The following RYR2 variants were observed in gnomAD, a reference collection of about 807,000 sequenced individuals.
RYR2 encodes the protein cardiac muscle ryanodine receptor-calcium release channel.
In RYR2, 227 loss-of-function variants were observed where a neutral mutation model predicts 601.1. That is an observed-to-expected ratio of 0.38 (90% CI 0.34 to 0.42). RYR2 has a LOEUF of 0.42. Ranked by LOEUF, RYR2 falls within the 10% of genes least tolerant of loss-of-function variation. RYR2 has a pLI of 1.00. For missense variants in RYR2, 4,646 were observed against 6,156.5 expected (o/e 0.75, Z 8.21); for synonymous variants, 2,223 against 2,175.1 (o/e 1.02, Z -0.61).
At chr1:237,811,201 C>T (rs748332149) in intron 100 of RYR2, among the ~76,000 whole-genome samples, 3 of 152,068 alleles carry the variant, frequency 2.0e-5, no homozygotes, top group Non-Finnish European at 4.4e-5. Flanking sequence ...TGACTGTTCC[C>T]TGGCAGGGAG....
At chr1:237,133,431 G>A in intron 1 of RYR2, among the ~76,000 whole-genome samples, 1 of 152,160 alleles carries the variant, frequency 6.6e-6, no homozygotes, top group East Asian at 1.9e-4. Context: ...CTCTGGTGAA[G>A]ACCTAGATAT....
chr1:237,818,162 T>C (rs1662047126), intron 100 of RYR2, among the ~76,000 whole-genome samples: 2 of 152,160 alleles, frequency 1.3e-5, no homozygotes, highest in South Asian at 4.1e-4. Context: ...AAATATTGGA[T>C]GCTCCAAGCC....
At chr1:237,719,113 G>A (rs1355847671) in intron 73 of RYR2, among the ~76,000 whole-genome samples, 1 of 152,030 alleles carries the variant, frequency 6.6e-6, no homozygotes, top group Non-Finnish European at 1.5e-5. Context: ...ACAAAAATTA[G>A]CTGGATGGTG....
Position 237,705,232 on chromosome 1 carries a change from G to A in RYR2, c.9469G>A (p.Glu3157Lys), listed in dbSNP as rs1335237930. The A allele has an allele frequency of 2.5e-6, 4 of 1,608,028 alleles. No homozygotes were observed. The highest frequency in any genetic ancestry group is 3.4e-6 in the Non-Finnish European group (4 of 1,176,650). Residue 3157 changes from glutamate to lysine, a missense_variant, in exon 67 of 105, where the codon GAA becomes AAA. Glu to Lys is a moderately conservative substitution (Grantham distance 56, BLOSUM62 1). Around this residue, in one of 17 missense-constraint regions of RYR2, gnomAD observed 1,497 missense variants for 1,842.6 expected, o/e 0.81. Transcript: ENST00000366574. ...YVERQRSALGECLAAFAGAFP... is the reference protein window; with the variant it reads ...YVERQRSALGKCLAAFAGAFP... Reference sequence around the variant, plus strand: ...TTATAGGCAACGTTCTGCATTAGGAGAATGTCTAGCTGCCTTTGCTGGTGC... The same window carrying A: ...TTATAGGCAACGTTCTGCATTAGGAAAATGTCTAGCTGCCTTTGCTGGTGC...
intron 3 of RYR2, among the ~76,000 whole-genome samples, chr1:237,337,060 A>T (rs573989270): frequency 1.9e-3 from 285 of 151,932 alleles, no homozygotes; most frequent in Non-Finnish European, 3.7e-3. Flanking sequence ...AGACCAGCCT[A>T]GCCAACATGT....
intron 76 of RYR2, 24 bp from the exon 77 acceptor site, chr1:237,730,236 T>C (rs1468709553): frequency 1.0e-5 from 14 of 1,364,116 alleles, no homozygotes; most frequent in African/African-American, 1.4e-5. Context: ...ACACCCTTTT[T>C]CTGAAATTGT....
chr1:237,686,130 G>T, intron 62 of RYR2, among the ~76,000 whole-genome samples: 1 of 152,216 alleles, frequency 6.6e-6, no homozygotes. Context: ...GGAGCTGCAC[G>T]TTTGATCACA....
At chr1:237,369,168 T>C (rs1338495699) in intron 5 of RYR2, among the ~76,000 whole-genome samples, 1 of 152,120 alleles carries the variant, frequency 6.6e-6, no homozygotes, top group African/African-American at 2.4e-5. Flanking sequence ...CGCATGCAGG[T>C]AGGCACCTGG....
At chr1:237,686,597 A>C (rs1686415989) in intron 62 of RYR2, among the ~76,000 whole-genome samples, 1 of 152,174 alleles carries the variant, frequency 6.6e-6, no homozygotes, top group Non-Finnish European at 1.5e-5. Context: ...TGAGGATCCC[A>C]CCCAGCTGAG....
In RYR2 at chr1:237,654,190, T is replaced by A. The variant is rs955937229; in HGVS notation, c.7825-84T>A. On this transcript the variant is annotated intron_variant, in intron 51 of 104. Coordinates refer to ENST00000366574, the MANE Select transcript of RYR2 (RefSeq NM_001035.3). ...CTTCAGATGACCTTATAATGTAGCA[T>A]TAGAGTGTGATATGAGGAGAAATGA... 3 of 1,509,910 alleles carry A rather than the reference T, an allele frequency of 2.0e-6. No individual in the cohort carries two copies. The South Asian group carries it at 3.8e-5, about 19-fold the overall frequency. 93.5% of individuals were successfully genotyped at this position (1,509,910 alleles called of 1,614,324 possible).
intron 3 of RYR2, among the ~76,000 whole-genome samples, chr1:237,339,614 T>C (rs1396832837): frequency 6.6e-6 from 1 of 152,122 alleles, no homozygotes; most frequent in Non-Finnish European, 1.5e-5. Context: ...TAATTATATA[T>C]GGTTTTTAAA....
chr1:237,693,781 A>G (rs1301007597), intron 63 of RYR2, among the ~76,000 whole-genome samples: 1 of 152,246 alleles, frequency 6.6e-6, no homozygotes, highest in African/African-American at 2.4e-5. Context: ...TACTAAATAA[A>G]GTAATACAAT....
intron 100 of RYR2, among the ~76,000 whole-genome samples, chr1:237,814,200 C>T (rs545325077): frequency 4.5e-4 from 69 of 152,286 alleles, no homozygotes; most frequent in African/African-American, 1.5e-3. Flanking sequence ...TAGAGTAGTG[C>T]GCTTTCAAAG....
chr1:237,229,454 T>C (rs1460171389), intron 1 of RYR2, among the ~76,000 whole-genome samples: 2 of 152,218 alleles, frequency 1.3e-5, no homozygotes, highest in Non-Finnish European at 2.9e-5. Context: ...GCACAGCTTC[T>C]GGTGACCCGG....
intron 1 of RYR2, among the ~76,000 whole-genome samples, chr1:237,057,499 G>A (rs1029468195): frequency 3.3e-5 from 5 of 152,118 alleles, no homozygotes; most frequent in Non-Finnish European, 7.4e-5. Flanking sequence ...GGAGACTTTT[G>A]ATGTGATCAT....
intron 1 of RYR2, among the ~76,000 whole-genome samples, chr1:237,158,691 C>T (rs1675664117): frequency 6.6e-6 from 1 of 152,122 alleles, no homozygotes; most frequent in South Asian, 2.1e-4. Context: ...AGTCTGTGAG[C>T]TCCTTTAGGG....
chr1:237,756,425 T>G lies in RYR2; in HGVS notation c.11245+38T>G, dbSNP rs2685293. On this transcript the variant is annotated intron_variant, in intron 81 of 104. Transcript: ENST00000366574. ...GAGTTCCCCTCACGAGTGTCTGTTC[T>G]TCAGATTTCCTCGTTGCTCTCAAGG... 9,940 of 1,355,652 alleles carry G rather than the reference T, an allele frequency of 7.3e-3. 69 individuals carry two copies. Among genetic ancestry groups the G allele is most frequent in the Non-Finnish European group, 9.0e-3 (8,701 of 962,506 alleles). 84.0% of individuals were successfully genotyped at this position (1,355,652 alleles called of 1,614,324 possible).
Position 237,233,711 on chromosome 1 carries a change from G to A in RYR2, c.49-36786G>A, listed in dbSNP as rs189035269. On this transcript the variant is annotated intron_variant, in intron 1 of 104. Transcript: ENST00000366574. ...GCTCTGTCACCCAGGCTGGGGTGCA[G>A]TGGTGCGATCTCAGCTCACTGCAAT... Among the ~76,000 whole-genome samples the A allele has an allele frequency of 1.1e-4, 17 of 152,248 alleles. No individual in the cohort carries two copies. In the East Asian group the frequency reaches 3.3e-3, roughly 29 times the overall value.
intron 2 of RYR2, among the ~76,000 whole-genome samples, chr1:237,278,059 AT>A (rs1378688796): frequency 6.6e-6 from 1 of 151,136 alleles, no homozygotes; most frequent in Non-Finnish European, 1.5e-5. Flanking sequence ...TTCTTTGTGG[AT>A]TTTTTTGTTA....
Sources: gnomAD v4.1 joint callset for allele counts (sites outside exome capture counted in the v4.1 genomes callset) on GRCh38, gnomAD v4.1.1 for gene constraint, gnomAD v4.1.1 regional missense constraint, MANE v1.5 for transcripts, NCBI Gene and HGNC (gene_info 2026-07-23, HGNC 2026-07-21) for gene names.